Variants in FRAS1 observed in about 807,000 individuals in gnomAD.
FRAS1 encodes the protein Fraser extracellular matrix complex subunit 1, also known as extracellular matrix organizing protein FRAS1.
A neutral mutation model predicts 435.2 loss-of-function variants in FRAS1; 290 were observed. That is an observed-to-expected ratio of 0.67 (90% confidence interval 0.61 to 0.73). The LOEUF (loss-of-function observed/expected upper bound fraction) is 0.73, where lower values mean the gene tolerates loss of function less well. Among genes scored for constraint, FRAS1 ranks in the 30% least tolerant of loss-of-function variants. The pLI is 0.00. For synonymous variants in FRAS1, 1,800 were observed against 1,851.0 expected (o/e 0.97, Z 0.71); for missense variants, 4,860 against 5,001.5 (o/e 0.97, Z 0.85).
At chr4:78,086,951 C>T (rs956376175) in intron 2 of FRAS1, among the ~76,000 whole-genome samples, 2 of 152,094 alleles carry the variant, frequency 1.3e-5, no homozygotes, top group African/African-American at 4.8e-5. Context: ...GATACCAAAG[C>T]CTGGCAGAGA....
rs1416667818 is a variant in FRAS1 at position 78,502,454 on chromosome 4, C to T, written c.9316+2533C>T. Among the ~76,000 whole-genome samples, 3 of 152,180 alleles carry T rather than the reference C, an allele frequency of 2.0e-5. No individual in the cohort carries two copies. The East Asian group carries it at 5.8e-4, about 29-fold the overall frequency. ...CTTCATGTCCCTTGTAAGTTGGATT[C>T]CTAGGTATTTTATTCTCTTTGTAGC... On this transcript the variant is annotated intron_variant, in intron 61 of 73. Transcript: ENST00000512123.
chr4:78,213,478 T>C (rs1468320890), intron 2 of FRAS1, among the ~76,000 whole-genome samples: 1 of 152,264 alleles, frequency 6.6e-6, no homozygotes, highest in East Asian at 1.9e-4. Flanking sequence ...TGTCTGTCTC[T>C]ATAAAACACA....
Position 78,429,044 on chromosome 4 carries a change from C to CTGTG in FRAS1, c.4712-50_4712-49insGTGT, listed in dbSNP as rs1553958945. On this transcript the variant is annotated intron_variant, in intron 35 of 73. Coordinates refer to ENST00000512123, the MANE Select transcript of FRAS1 (RefSeq NM_025074.7). ...TTGATTCGTGTGTGTGTGTGCGTGT[C>CTGTG]TCTGTGTGTGTGTGTGTGTCTCTGT... 1.4e-5 allele frequency: 20 copies of CTGTG among 1,386,038 alleles called. No homozygotes were observed. The African/African-American group carries it at 1.4e-4, about 10-fold the overall frequency. 85.9% of individuals were successfully genotyped at this position (1,386,038 alleles called of 1,614,324 possible).
chr4:78,079,112 G>A (rs1740783542), intron 2 of FRAS1, among the ~76,000 whole-genome samples: 1 of 152,162 alleles, frequency 6.6e-6, no homozygotes, highest in African/African-American at 2.4e-5. Context: ...ATGTGGCCAT[G>A]ATGGCACATT....
intron 2 of FRAS1, among the ~76,000 whole-genome samples, chr4:78,072,349 A>T (rs960300261): frequency 8.5e-5 from 13 of 152,204 alleles, no homozygotes; most frequent in African/African-American, 3.1e-4. Context: ...AACACACAAG[A>T]GATAGCCCTG....
At chr4:78,286,575 C>A (rs780224736) in intron 14 of FRAS1, 36 bp downstream of exon 14, 2 of 1,601,974 alleles carry the variant, frequency 1.2e-6, no homozygotes, top group Non-Finnish European at 1.7e-6. Flanking sequence ...GGCCAGCTAC[C>A]AAGACAGCTC....
At position 78,526,622 on chromosome 4, in the gene FRAS1, G is replaced by C; in HGVS notation, c.10890G>C (p.Glu3630Asp). Residue 3630 changes from glutamate (E) to aspartate (D), a missense_variant, in exon 70 of 74, where the codon GAG becomes GAC. Transcript: ENST00000512123. ...CACAGCCATGGGTTGACCCAGGAGA[G>C]AAGCCTTTGGCCTGCACTGCACATG... ...QPTQPWVDPGEKPLACTAHAP... is the reference protein window; with the variant it reads ...QPTQPWVDPGDKPLACTAHAP... The C allele has an allele frequency of 6.3e-7, 1 of 1,595,686 alleles. No individual in the cohort carries two copies. The highest frequency in any genetic ancestry group is 1.2e-5 in the South Asian group (1 of 86,796).
chr4:78,376,174 A>G (rs1671057233), intron 26 of FRAS1, among the ~76,000 whole-genome samples: 1 of 152,254 alleles, frequency 6.6e-6, no homozygotes, highest in Non-Finnish European at 1.5e-5. Flanking sequence ...GCCATGTTAT[A>G]GAAAATTACA....
At chr4:78,236,828 A>G (rs1724782948) in intron 2 of FRAS1, among the ~76,000 whole-genome samples, 1 of 152,194 alleles carries the variant, frequency 6.6e-6, no homozygotes, top group Admixed American at 6.5e-5. Flanking sequence ...GAGTAATAAC[A>G]TAGTAACATT....
intron 14 of FRAS1, among the ~76,000 whole-genome samples, chr4:78,296,837 G>A (rs1578234837): frequency 6.6e-6 from 1 of 152,270 alleles, no homozygotes; most frequent in South Asian, 2.1e-4. Flanking sequence ...ACAAACTGCA[G>A]CTCTCCCCAT....
At chr4:78,117,338 T>C (rs1354169807) in intron 2 of FRAS1, among the ~76,000 whole-genome samples, 1 of 152,190 alleles carries the variant, frequency 6.6e-6, no homozygotes, top group African/African-American at 2.4e-5. Context: ...AGGAATATCT[T>C]TGTGGCGTTC....
At chr4:78,419,288 T>C (rs1733671080) in intron 33 of FRAS1, among the ~76,000 whole-genome samples, 1 of 152,216 alleles carries the variant, frequency 6.6e-6, no homozygotes, top group African/African-American at 2.4e-5. Flanking sequence ...GCTTTGGCAC[T>C]GACATAGCAT....
rs533072008 is a variant in FRAS1, at chr4:78,160,158, G to GA, written c.109-77347dup. Among the ~76,000 whole-genome samples the GA allele has an allele frequency of 2.4e-3, 367 of 152,152 alleles. 3 individuals are homozygous for GA. Among genetic ancestry groups the GA allele is most frequent in the African/African-American group, 8.3e-3 (343 of 41,538 alleles). ...TACCCATAAGTAAATTTTTAATGAG[G>GA]AAAAAGGCAAGAATAAATGAAAAAA... On this transcript the variant is annotated intron_variant, in intron 2 of 73. Coordinates refer to ENST00000512123, the MANE Select transcript of FRAS1 (RefSeq NM_025074.7).
Position 78,369,833 on chromosome 4 carries a change from C to T in FRAS1, c.2723-5C>T, listed in dbSNP as rs1360237718. The stretch of plus-strand genomic sequence containing the variant: ...TCTGGTCATTTTCTTTTCCTGTCTG[C>T]TCAGCATGCAACACACACTGTGGAA... On this transcript the variant is annotated splice_polypyrimidine_tract_variant and splice_region_variant and intron_variant, in intron 22 of 73. Transcript: ENST00000512123. 1 of 1,608,450 alleles carries T rather than the reference C, an allele frequency of 6.2e-7. No individual in the cohort carries two copies. The highest frequency in any genetic ancestry group is 8.5e-7 in the Non-Finnish European group (1 of 1,177,070).
At chr4:78,496,782 C>A in intron 59 of FRAS1, 23 bp from the exon 60 acceptor site, 2 of 1,571,464 alleles carry the variant, frequency 1.3e-6, no homozygotes, top group South Asian at 1.2e-5. Context: ...AAATTTTAAT[C>A]TGTCTTGTGC....
chr4:78,113,382 A>C (rs2109943016), intron 2 of FRAS1, among the ~76,000 whole-genome samples: 1 of 152,286 alleles, frequency 6.6e-6, no homozygotes, highest in East Asian at 1.9e-4. Flanking sequence ...TTCTAGTTCT[A>C]GATCCCTGAG....
chr4:78,356,474 T>C (rs991171424), intron 20 of FRAS1, among the ~76,000 whole-genome samples: 6 of 152,192 alleles, frequency 3.9e-5, no homozygotes, highest in Non-Finnish European at 7.4e-5. Flanking sequence ...TCCCCAGTCA[T>C]GCAAAGAGAA....
chr4:78,259,317 C>A (rs1310258092), intron 6 of FRAS1, among the ~76,000 whole-genome samples: 21 of 117,886 alleles, frequency 1.8e-4, no homozygotes, highest in Admixed American at 1.7e-3. Context: ...GTTTACAGTC[C>A]CACCAACAGT....
chr4:78,196,499 A>G (rs1160569631), intron 2 of FRAS1, among the ~76,000 whole-genome samples: 1 of 152,180 alleles, frequency 6.6e-6, no homozygotes, highest in African/African-American at 2.4e-5. Context: ...CTTTGGAAAG[A>G]TTAAATTATA....
Sources: allele counts gnomAD v4.1 joint callset (sites outside exome capture counted in the v4.1 genomes callset), GRCh38; gene constraint gnomAD v4.1.1; transcripts MANE v1.5; gene names NCBI Gene and HGNC (gene_info 2026-07-23, HGNC 2026-07-21).